CAPRIN1: variants seen among roughly 807,000 people sequenced by gnomAD.
CAPRIN1 encodes the protein caprin-1.
CAPRIN1 carries 29 observed loss-of-function variants against 100.9 expected under a neutral mutation model. The observed-to-expected ratio is 0.29, with a 90% CI of 0.21 to 0.39. The LOEUF (loss-of-function observed/expected upper bound fraction) is 0.39, where lower values mean the gene tolerates loss of function less well. Among genes scored for constraint, CAPRIN1 ranks in the 10% least tolerant of loss-of-function variants. CAPRIN1 has a pLI of 1.00. For synonymous variants in CAPRIN1, 338 were observed against 307.5 expected (o/e 1.10, Z -1.04); for missense variants, 795 against 876.7 (o/e 0.91, Z 1.18).
In CAPRIN1 at chr11:34,097,287, C is replaced by T; in HGVS notation, c.1992C>T (p.Gly664=). Residue 664 remains glycine, a synonymous_variant, in exon 17 of 19, where the codon GGC becomes GGT. Transcript: ENST00000341394. ...SQFSAPRDYS[G]YQRDGYQQNF... The stretch of plus-strand genomic sequence containing the variant: ...TCAGTGCTCCCCGGGATTACTCTGG[C>T]TATCAACGGGTAGGTAAAGTAGTTC... 6.2e-7 allele frequency: 1 copy of T among 1,608,344 alleles called. No individual in the cohort carries two copies. Among genetic ancestry groups the T allele is most frequent in the Non-Finnish European group, 8.5e-7 (1 of 1,174,790 alleles).
intron 6 of CAPRIN1, among the ~76,000 whole-genome samples, chr11:34,077,369 A>T (rs1850928832): frequency 6.6e-6 from 1 of 152,078 alleles, no homozygotes; most frequent in Admixed American, 6.6e-5. Flanking sequence ...GCTCATGGTT[A>T]TTGCCTTAGT....
At chr11:34,091,870 A>C in intron 14 of CAPRIN1, 36 bp from the exon 15 acceptor site, 1 of 1,577,376 alleles carries the variant, frequency 6.3e-7, no homozygotes, top group Non-Finnish European at 8.6e-7. Context: ...CAGAGAATAA[A>C]AGGATGAACT....
intron 17 of CAPRIN1, 59 bp from the exon 18 acceptor site, chr11:34,097,639 T>G: frequency 6.3e-7 from 1 of 1,597,278 alleles, no homozygotes; most frequent in East Asian, 2.2e-5. Context: ...ACTGAAAGAA[T>G]AGATGGGTAA....
rs1315531055 is a variant in CAPRIN1, at chr11:34,090,532, A to G, written c.1408A>G (p.Thr470Ala). 3 of 1,611,344 alleles carry G rather than the reference A, an allele frequency of 1.9e-6. No individual in the cohort carries two copies. The highest frequency in any genetic ancestry group is 1.7e-5 in the Admixed American group (1 of 59,902). ...QKEPIDQIQA[T>A]ISLNTDQTTA... ...CATCTATTCACTTTGTGTTTAGGCA[A>G]CAATCTCTTTAAATACAGACCAGAC... Residue 470 changes from threonine (T) to alanine (A), a missense_variant, in exon 14 of 19, where the codon ACA (threonine) becomes GCA (alanine). By Grantham distance (58) the Thr-to-Ala change is moderately conservative. Transcript: ENST00000341394.
intron 2 of CAPRIN1, among the ~76,000 whole-genome samples, chr11:34,057,214 T>G (rs1195883390): frequency 6.6e-6 from 1 of 152,264 alleles, no homozygotes; most frequent in Non-Finnish European, 1.5e-5. Context: ...ACTATTCTTC[T>G]GCAATGCAGA....
At chr11:34,057,673 T>C (rs1590718423) in intron 2 of CAPRIN1, among the ~76,000 whole-genome samples, 2 of 152,320 alleles carry the variant, frequency 1.3e-5, no homozygotes, top group African/African-American at 2.4e-5. Flanking sequence ...AATTTTGTCA[T>C]AGCTATAATC....
intron 6 of CAPRIN1, among the ~76,000 whole-genome samples, chr11:34,078,473 G>T (rs571293384): frequency 6.6e-6 from 1 of 152,216 alleles, no homozygotes; most frequent in South Asian, 2.1e-4. Context: ...GTTTTTGTTT[G>T]TTTTTGAATA....
intron 7 of CAPRIN1, among the ~76,000 whole-genome samples, chr11:34,081,802 G>T (rs568220118): frequency 6.6e-6 from 1 of 151,048 alleles, no homozygotes; most frequent in South Asian, 2.1e-4. Flanking sequence ...CCGGCCTTAA[G>T]TTGAATTCTT....
At chr11:34,080,496 G>A (rs1031083193) in intron 7 of CAPRIN1, among the ~76,000 whole-genome samples, 1 of 152,128 alleles carries the variant, frequency 6.6e-6, no homozygotes, top group Non-Finnish European at 1.5e-5. Flanking sequence ...TTAATCATGG[G>A]GAGATTATAG....
At chr11:34,098,543 T>TA (rs1038733765) in intron 18 of CAPRIN1, 2 of 985,258 alleles carry the variant, frequency 2.0e-6, no homozygotes, top group Non-Finnish European at 2.4e-6. Flanking sequence ...ATAACATGTA[T>TA]AAAATGTGTG....
chr11:34,090,494 T>G, intron 13 of CAPRIN1, 35 bp from the exon 14 acceptor site: 2 of 1,599,492 alleles, frequency 1.3e-6, no homozygotes, highest in Non-Finnish European at 1.7e-6. Flanking sequence ...AAGTTTAGTT[T>G]ACCGCTAAAG....
chr11:34,082,952 C>T lies in CAPRIN1; in HGVS notation c.880-3C>T, dbSNP rs1851062737. On this transcript the variant is annotated splice_region_variant and splice_polypyrimidine_tract_variant and intron_variant, in intron 8 of 18. Transcript: ENST00000341394. ...TGTCTCAAACATTTACTTTGCTTTG[C>T]AGTATGTAAATAGACAGTTCATGGC... is the stretch of plus-strand genomic sequence containing the variant. The T allele has an allele frequency of 6.2e-7, 1 of 1,613,176 alleles. No homozygotes were observed. Among genetic ancestry groups the T allele is most frequent in the Non-Finnish European group, 8.5e-7 (1 of 1,179,288 alleles).
chr11:34,094,668 A>G (rs909918764), intron 15 of CAPRIN1, among the ~76,000 whole-genome samples: 1 of 152,040 alleles, frequency 6.6e-6, no homozygotes, highest in African/African-American at 2.4e-5. Context: ...GAGGTGGTGA[A>G]TGCCTGTAGT....
chr11:34,066,759 G>C (rs1850704486), intron 2 of CAPRIN1, among the ~76,000 whole-genome samples: 1 of 151,626 alleles, frequency 6.6e-6, no homozygotes. Flanking sequence ...CCGAGTAGCT[G>C]GGACTACAAG....
rs924712497 is a variant in CAPRIN1 at position 34,101,181 on chromosome 11, A to G, written c.*1814A>G. On this transcript the variant is annotated 3_prime_UTR_variant, in exon 19 of 19. Coordinates refer to ENST00000341394, the MANE Select transcript of CAPRIN1 (RefSeq NM_005898.5). ...TTCTCATGTGTGGTTGTGGTACATCATATTGGAAGGGTTAACCTGTTACTT... is the reference window on the plus strand; with the variant it reads ...TTCTCATGTGTGGTTGTGGTACATCGTATTGGAAGGGTTAACCTGTTACTT... 1 of 152,508 alleles carries G rather than the reference A, an allele frequency of 6.6e-6. No individual in the cohort carries two copies. Among genetic ancestry groups the G allele is most frequent in the East Asian group, 1.9e-4 (1 of 5,190 alleles). 9.4% of individuals were successfully genotyped at this position (152,508 alleles called of 1,614,324 possible). A position where few individuals can be genotyped will look rare whatever the true frequency, so the allele number is the denominator to read the frequency against.
In CAPRIN1 at chr11:34,101,957, C is replaced by G. The variant is rs1200807704; in HGVS notation, c.*2590C>G. Among the ~76,000 whole-genome samples, 1 of 152,044 alleles carries G rather than the reference C, an allele frequency of 6.6e-6. No individual in the cohort carries two copies. The highest frequency in any genetic ancestry group is 2.4e-5 in the African/African-American group (1 of 41,418). On this transcript the variant is annotated 3_prime_UTR_variant, in exon 19 of 19. Transcript: ENST00000341394. The stretch of plus-strand genomic sequence containing the variant: ...TGGATATGAAACTTCTTTTTTAAAA[C>G]TTAAAAAGGTAGAATGTTATTGATT...
intron 11 of CAPRIN1, among the ~76,000 whole-genome samples, chr11:34,088,544 T>G (rs954252830): frequency 1.3e-5 from 2 of 152,048 alleles, no homozygotes; most frequent in Non-Finnish European, 2.9e-5. Context: ...CAGGGTGGCA[T>G]GCATCTATAG....
intron 11 of CAPRIN1, among the ~76,000 whole-genome samples, chr11:34,087,887 T>C (rs1565095342): frequency 6.6e-6 from 1 of 152,170 alleles, no homozygotes; most frequent in Non-Finnish European, 1.5e-5. Context: ...TAACCAAAGA[T>C]CGTCGTTTTG....
chr11:34,076,433 A>G lies in CAPRIN1; in HGVS notation c.564A>G (p.Glu188=). ...AAGAGGAGTTGTCATTGTTGGATGA[A>G]TTCTATAAGCTAGTAGACCCTGAAC... ...LSEEELSLLD[E]FYKLVDPERD... Residue 188 remains glutamate, a synonymous_variant, in exon 5 of 19, where the codon GAA becomes GAG. Coordinates refer to ENST00000341394, the MANE Select transcript of CAPRIN1 (RefSeq NM_005898.5). The G allele has an allele frequency of 6.2e-7, 1 of 1,614,226 alleles. No homozygotes were observed. The highest frequency in any genetic ancestry group is 8.5e-7 in the Non-Finnish European group (1 of 1,180,028).
Sources: allele counts gnomAD v4.1 joint callset (sites outside exome capture counted in the v4.1 genomes callset), GRCh38; gene constraint gnomAD v4.1.1; transcripts MANE v1.5; gene names NCBI Gene and HGNC (gene_info 2026-07-23, HGNC 2026-07-21).